The following CLYBL variants were observed in gnomAD, a reference collection of about 807,000 sequenced individuals.
CLYBL encodes the protein citramalyl-CoA lyase, mitochondrial.
In CLYBL, 31 loss-of-function variants were observed where a neutral mutation model predicts 38.9. That is an observed-to-expected ratio of 0.80 (90% CI 0.60 to 1.08). The LOEUF is 1.08. Among genes scored for constraint, CLYBL ranks in the 50% least tolerant of loss-of-function variants. The pLI is 0.00. For synonymous variants in CLYBL, 171 were observed against 158.6 expected (o/e 1.08, Z -0.59); for missense variants, 434 against 411.6 (o/e 1.05, Z -0.47).
At chr13:99,891,209 A>G in intron 7 of CLYBL, 109 bp from the exon 8 acceptor site, 2 of 788,194 alleles carry the variant, frequency 2.5e-6, no homozygotes, top group South Asian at 3.4e-5. Flanking sequence ...CGGGAAAGTC[A>G]GTATAATTCA....
intron 2 of CLYBL, among the ~76,000 whole-genome samples, chr13:99,840,914 G>T (rs568884663): frequency 1.3e-5 from 2 of 152,108 alleles, no homozygotes; most frequent in East Asian, 3.9e-4. Context: ...ACGCAGTCCA[G>T]ATTTACATCC....
chr13:99,643,706 G>A (rs929220171), intron 1 of CLYBL, among the ~76,000 whole-genome samples: 6 of 152,058 alleles, frequency 3.9e-5, no homozygotes, highest in East Asian at 1.9e-4. Context: ...CACAATGAGC[G>A]TTTTAAAAAA....
In CLYBL at chr13:99,679,892, G is replaced by T. The variant is rs538800163; in HGVS notation, c.62+73135G>T. 3.3e-5 allele frequency among the ~76,000 whole-genome samples: 5 copies of T among 152,214 alleles called. 2 individuals are homozygous for T. The South Asian group carries it at 1.0e-3, about 32-fold the overall frequency. ...AATGTTTGGCCAACTAGATCCTGAT[G>T]TGAGAAACAGCATCCTAAAGAGCTA... On this transcript the variant is annotated intron_variant, in intron 1 of 8. Coordinates refer to ENST00000339105, the MANE Select transcript of CLYBL (RefSeq NM_206808.5).
Position 99,818,446 on chromosome 13 carries a change from A to ACACACACACACAC in CLYBL, c.250-40415_250-40414insCACACACACACAC, listed in dbSNP as rs2050504286. On this transcript the variant is annotated intron_variant, in intron 2 of 8. Coordinates refer to ENST00000339105, the MANE Select transcript of CLYBL (RefSeq NM_206808.5). ...CCCCTGAAGATCACATGGAGCAGAA[A>ACACACACACACAC]ACACACACACACACACACACACACA... Among the ~76,000 whole-genome samples the ACACACACACACAC allele has an allele frequency of 2.8e-5, 4 of 143,324 alleles. No homozygotes were observed. The East Asian group carries it at 8.2e-4, about 30-fold the overall frequency. The allele number at this position is 143,324 out of a possible 152,430, so 94.0% of individuals were successfully genotyped here. A position where few individuals can be genotyped will look rare whatever the true frequency, so the allele number is the denominator to read the frequency against.
chr13:99,860,073 G>A (rs1371333768), intron 3 of CLYBL, among the ~76,000 whole-genome samples: 1 of 152,080 alleles, frequency 6.6e-6, no homozygotes, highest in Non-Finnish European at 1.5e-5. Flanking sequence ...CCAGTGCCAC[G>A]GCCACTATGA....
chr13:99,889,183 C>T (rs1324684485), intron 7 of CLYBL, among the ~76,000 whole-genome samples: 1 of 152,150 alleles, frequency 6.6e-6, no homozygotes, highest in Non-Finnish European at 1.5e-5. Flanking sequence ...TCACAGCCAC[C>T]GTTTGGATTC....
At chr13:99,623,999 C>T (rs893101331) in intron 1 of CLYBL, among the ~76,000 whole-genome samples, 12 of 150,622 alleles carry the variant, frequency 8.0e-5, no homozygotes, top group African/African-American at 2.7e-4. Context: ...GCATTGAATG[C>T]TAGGTATGGC....
At chr13:99,672,269 C>A (rs988737646) in intron 1 of CLYBL, among the ~76,000 whole-genome samples, 3 of 149,092 alleles carry the variant, frequency 2.0e-5, no homozygotes, top group African/African-American at 7.5e-5. Flanking sequence ...TGCAGTGTTG[C>A]AGTCATAGCT....
chr13:99,858,637 CGTCTCG>C (rs2051518242), intron 2 of CLYBL, among the ~76,000 whole-genome samples: 1 of 152,192 alleles, frequency 6.6e-6, no homozygotes, highest in Non-Finnish European at 1.5e-5. Context: ...CACTGCGGTG[CGTCTCG>C]GCTATGTTAT....
At chr13:99,606,956 C>A (rs912659) in intron 1 of CLYBL, among the ~76,000 whole-genome samples, 199 bp downstream of exon 1, 1 of 152,048 alleles carries the variant, frequency 6.6e-6, no homozygotes, top group Admixed American at 6.5e-5. Flanking sequence ...GGAGGGCCCT[C>A]GTTGCACCCG....
chr13:99,879,149 C>T (rs893582937), intron 7 of CLYBL, among the ~76,000 whole-genome samples: 1 of 152,290 alleles, frequency 6.6e-6, no homozygotes, highest in East Asian at 1.9e-4. Flanking sequence ...CTTCTCCTTC[C>T]CCATTGCACC....
At chr13:99,650,811 G>A (rs1243873899) in intron 1 of CLYBL, among the ~76,000 whole-genome samples, 3 of 152,058 alleles carry the variant, frequency 2.0e-5, no homozygotes, top group African/African-American at 7.3e-5. Context: ...GAACACAGAC[G>A]TCATTGCGCT....
At chr13:99,751,482 A>G (rs1156981248) in intron 1 of CLYBL, among the ~76,000 whole-genome samples, 1 of 152,094 alleles carries the variant, frequency 6.6e-6, no homozygotes, top group Non-Finnish European at 1.5e-5. Context: ...CAGCCTCCCA[A>G]AGTGCTGGGA....
At chr13:99,811,669 A>C (rs2050345240) in intron 2 of CLYBL, among the ~76,000 whole-genome samples, 1 of 152,014 alleles carries the variant, frequency 6.6e-6, no homozygotes, top group Non-Finnish European at 1.5e-5. Flanking sequence ...TGCCACTGCC[A>C]GTCCCCACAC....
At chr13:99,679,127 T>C (rs2139390332) in intron 1 of CLYBL, among the ~76,000 whole-genome samples, 1 of 151,994 alleles carries the variant, frequency 6.6e-6, no homozygotes, top group South Asian at 2.1e-4. Flanking sequence ...ACCCTGTCTC[T>C]ACTAAAAATA....
At chr13:99,903,393 GAC>G (rs947330499) in intron 8 of CLYBL, among the ~76,000 whole-genome samples, 8 of 150,286 alleles carry the variant, frequency 5.3e-5, no homozygotes, top group Non-Finnish European at 3.0e-5. Flanking sequence ...CACGCACACT[GAC>G]ACACACATAC....
In CLYBL at chr13:99,908,918, A is replaced by C. The variant is rs76078667; in HGVS notation, c.*1024A>C. On this transcript the variant is annotated 3_prime_UTR_variant and NMD_transcript_variant, in exon 10 of 10. Coordinates refer to the CLYBL transcript ENST00000689673. Reference sequence around the variant, plus strand: ...CTTTATATTGTGTTAGAGGCTGAGGATATAGAAATATGTAACTCAGAGTCC... The same window carrying C: ...CTTTATATTGTGTTAGAGGCTGAGGCTATAGAAATATGTAACTCAGAGTCC... Among the ~76,000 whole-genome samples, 36 of 152,342 alleles carry C rather than the reference A, an allele frequency of 2.4e-4. No homozygotes were observed. In the East Asian group the frequency reaches 6.6e-3, roughly 28 times the overall value.
At chr13:99,863,892 G>A (rs2051673504) in intron 4 of CLYBL, among the ~76,000 whole-genome samples, 1 of 152,196 alleles carries the variant, frequency 6.6e-6, no homozygotes, top group South Asian at 2.1e-4. Flanking sequence ...TAGTCGAACT[G>A]TACTGGAGAG....
intron 7 of CLYBL, among the ~76,000 whole-genome samples, chr13:99,883,322 C>A (rs1038142619): frequency 6.6e-6 from 1 of 152,048 alleles, no homozygotes; most frequent in Non-Finnish European, 1.5e-5. Context: ...AGTTGAAGAC[C>A]AGCCTGGCCA....
Sources: allele counts gnomAD v4.1 joint callset (sites outside exome capture counted in the v4.1 genomes callset), GRCh38; gene constraint gnomAD v4.1.1; transcripts MANE v1.5; gene names NCBI Gene and HGNC (gene_info 2026-07-23, HGNC 2026-07-21).